The following AVEN variants were observed in gnomAD, a reference collection of about 807,000 sequenced individuals.
AVEN encodes the protein apoptosis and caspase activation inhibitor.
AVEN carries 41 observed loss-of-function variants against 38.1 expected under a neutral mutation model. The ratio of observed to expected loss-of-function variants is 1.08; its 90% CI spans 0.84 to 1.40. AVEN has a LOEUF of 1.40. Among genes scored for constraint, AVEN ranks in the 40% most tolerant of loss-of-function variants. AVEN has a pLI of 0.00. For synonymous variants in AVEN, 206 were observed against 171.8 expected (o/e 1.20, Z -1.56); for missense variants, 605 against 438.8 (o/e 1.38, Z -3.38).
intron 2 of AVEN, among the ~76,000 whole-genome samples, chr15:33,941,607 GC>G (rs1484763255): frequency 6.6e-6 from 1 of 151,892 alleles, no homozygotes; most frequent in African/African-American, 2.4e-5. Flanking sequence ...AAACTTTTAA[GC>G]AAAAGTTAAT....
At chr15:34,062,630 C>A in intron 5 of AVEN, 1 of 1,221,436 alleles carries the variant, frequency 8.2e-7, no homozygotes, top group Non-Finnish European at 1.2e-6. Context: ...TAATGTGTTT[C>A]CCTCTCTTCC....
At chr15:33,978,297 G>C (rs918009350) in intron 2 of AVEN, among the ~76,000 whole-genome samples, 11 of 152,174 alleles carry the variant, frequency 7.2e-5, no homozygotes, top group Admixed American at 5.9e-4. Flanking sequence ...TGTAGACACA[G>C]GAAGTCTCTT....
At chr15:34,060,796 A>G (rs963827671) in intron 5 of AVEN, among the ~76,000 whole-genome samples, 2 of 151,884 alleles carry the variant, frequency 1.3e-5, no homozygotes, top group African/African-American at 2.4e-5. Flanking sequence ...CTTGAACCCA[A>G]GGGGCAGAGG....
At chr15:33,933,522 CACAGAGAGAGAGAGAGAGAG>C (rs1451366698) in intron 2 of AVEN, among the ~76,000 whole-genome samples, 100 of 53,226 alleles carry the variant, frequency 1.9e-3, no homozygotes, top group East Asian at 8.0e-3. Flanking sequence ...CACACACACA[CACAGAGAGAGAGAGAGAGAG>C]AGAGAGAGAG....
chr15:33,876,058 T>A (rs1050631942), intron 2 of AVEN, 63 bp from the exon 3 acceptor site: 62 of 1,492,826 alleles, frequency 4.2e-5, no homozygotes, highest in Middle Eastern at 1.7e-4. Flanking sequence ...GTTCTCTAAA[T>A]TTCCCTGCTA....
Position 33,900,109 on chromosome 15 carries a change from T to C in AVEN, c.446-24114A>G, listed in dbSNP as rs535488739. On this transcript the variant is annotated intron_variant, in intron 2 of 5. Transcript: ENST00000306730. ...CTGTATTTATGAATCACCTTTTTTT[T>C]CTTTCCTCTTCTTCTCTCTAAGCCC... is the stretch of plus-strand genomic sequence containing the variant. Among the ~76,000 whole-genome samples the C allele has an allele frequency of 1.2e-4, 18 of 152,278 alleles. No homozygotes were observed. The South Asian group carries it at 2.7e-3, about 23-fold the overall frequency.
chr15:33,935,880 T>C (rs893149298), intron 2 of AVEN, among the ~76,000 whole-genome samples: 3 of 152,230 alleles, frequency 2.0e-5, no homozygotes, highest in African/African-American at 4.8e-5. Flanking sequence ...GACTCCTTTA[T>C]TATTTTAATT....
intron 2 of AVEN, among the ~76,000 whole-genome samples, chr15:33,879,408 G>A (rs1209887313): frequency 8.5e-6 from 1 of 116,980 alleles, no homozygotes; most frequent in African/African-American, 3.2e-5. Context: ...GTTGTGGGGT[G>A]GGGGGAGGGG....
rs149236603 is a variant in AVEN, at chr15:33,885,309, T to A, written c.446-9314A>T. On this transcript the variant is annotated intron_variant, in intron 2 of 5. Coordinates refer to ENST00000306730, the MANE Select transcript of AVEN (RefSeq NM_020371.3). Reference sequence around the variant, plus strand: ...AGATGACATATTTGGAGGGTCAAGGTGGATCCTAAGTCTCCACGCTGACAC... The same window carrying A: ...AGATGACATATTTGGAGGGTCAAGGAGGATCCTAAGTCTCCACGCTGACAC... 1.3e-4 allele frequency among the ~76,000 whole-genome samples: 20 copies of A among 152,260 alleles called. No individual in the cohort carries two copies. In the East Asian group the frequency reaches 2.9e-3, roughly 22 times the overall value.
At chr15:34,031,966 G>A (rs1347096624) in intron 1 of AVEN, among the ~76,000 whole-genome samples, 1 of 151,186 alleles carries the variant, frequency 6.6e-6, no homozygotes, top group Admixed American at 6.6e-5. Context: ...CCATCCAAGA[G>A]AAAAAGTATT....
chr15:34,037,681 T>G (rs150405972), intron 1 of AVEN, among the ~76,000 whole-genome samples: 1 of 151,828 alleles, frequency 6.6e-6, no homozygotes, highest in Non-Finnish European at 1.5e-5. Flanking sequence ...AAAATGTTTT[T>G]ATATCTCATT....
chr15:33,886,155 T>C (rs1891689898), intron 2 of AVEN, among the ~76,000 whole-genome samples: 1 of 152,152 alleles, frequency 6.6e-6, no homozygotes, highest in South Asian at 2.1e-4. Flanking sequence ...TCTGTTGATA[T>C]GGTTTGGCTC....
intron 2 of AVEN, among the ~76,000 whole-genome samples, chr15:33,935,574 T>C (rs1380351498): frequency 6.6e-6 from 1 of 152,142 alleles, no homozygotes; most frequent in Non-Finnish European, 1.5e-5. Flanking sequence ...CACTTGGAGA[T>C]TTCTATAAAG....
intron 2 of AVEN, among the ~76,000 whole-genome samples, chr15:33,980,922 T>A (rs1356889544): frequency 6.6e-6 from 1 of 152,106 alleles, no homozygotes; most frequent in African/African-American, 2.4e-5. Context: ...CACTAGAGCC[T>A]CCAATCAGAA....
At chr15:34,060,383 A>G (rs1355223257) in intron 5 of AVEN, among the ~76,000 whole-genome samples, 1 of 152,156 alleles carries the variant, frequency 6.6e-6, no homozygotes, top group Non-Finnish European at 1.5e-5. Flanking sequence ...ACTCGATTCC[A>G]TATTGAATTT....
At chr15:33,948,728 A>G (rs1894603159) in intron 2 of AVEN, among the ~76,000 whole-genome samples, 1 of 152,174 alleles carries the variant, frequency 6.6e-6, no homozygotes, top group Non-Finnish European at 1.5e-5. Flanking sequence ...GCTGGAGTGC[A>G]GTGGCACAAT....
intron 1 of AVEN, among the ~76,000 whole-genome samples, chr15:34,004,059 G>T (rs529247908): frequency 6.6e-6 from 1 of 152,286 alleles, no homozygotes; most frequent in South Asian, 2.1e-4. Context: ...TCTACAACTT[G>T]CCTGTGTGAT....
intron 2 of AVEN, among the ~76,000 whole-genome samples, chr15:33,943,877 T>C (rs2153054390): frequency 6.6e-6 from 1 of 151,902 alleles, no homozygotes; most frequent in South Asian, 2.1e-4. Context: ...TTATATGTTT[T>C]TCTTTAATCA....
intron 2 of AVEN, among the ~76,000 whole-genome samples, chr15:33,996,406 T>C (rs1896935604): frequency 6.6e-6 from 1 of 152,232 alleles, no homozygotes; most frequent in African/African-American, 2.4e-5. Flanking sequence ...CCATGTAGCC[T>C]AACTGGGAGA....
Sources: gnomAD v4.1 joint callset for allele counts (sites outside exome capture counted in the v4.1 genomes callset) on GRCh38, gnomAD v4.1.1 for gene constraint, MANE v1.5 for transcripts, NCBI Gene and HGNC (gene_info 2026-07-23, HGNC 2026-07-21) for gene names.